Variants in CPS1 observed in about 807,000 individuals in gnomAD.
CPS1 encodes carbamoyl-phosphate synthase 1.
CPS1 carries 109 observed loss-of-function variants against 174.6 expected under a neutral mutation model. The observed-to-expected ratio is 0.62, with a 90% CI of 0.53 to 0.73. CPS1 has a LOEUF of 0.73. Among genes scored for constraint, CPS1 ranks in the 30% least tolerant of loss-of-function variants. The pLI, the probability that CPS1 is intolerant of heterozygous loss-of-function variation, is 0.00. For missense variants in CPS1, 1,689 were observed against 1,821.9 expected, an observed-to-expected ratio of 0.93 and a Z score of 1.33; for synonymous variants, 637 against 632.0, an observed-to-expected ratio of 1.01 and a Z score of -0.12.
chr2:210,554,834 ACT>A (rs1491134758), upstream of CPS1, among the ~76,000 whole-genome samples: 5 of 58,488 alleles, frequency 8.5e-5, no homozygotes, highest in Non-Finnish European at 1.8e-4. Context: ...GACAACCCTC[ACT>A]ACACACACAC....
intron 7 of CPS1, among the ~76,000 whole-genome samples, 167 bp downstream of exon 7, chr2:210,588,314 A>G (rs1212102988): frequency 1.3e-5 from 2 of 151,980 alleles, no homozygotes; most frequent in Admixed American, 6.6e-5. Context: ...CCCTGTTCAA[A>G]TTAAAAATAT....
At position 210,595,379 on chromosome 2, in the gene CPS1, G is replaced by T. The variant is rs1698450208; in HGVS notation, c.1264-108G>T. 2.7e-5 allele frequency: 22 copies of T among 806,130 alleles called. No individual in the cohort carries two copies. In the South Asian group the frequency reaches 3.0e-4, roughly 11 times the overall value. The allele number at this position is 806,130 out of a possible 1,614,324, so 49.9% of individuals were successfully genotyped here. On this transcript the variant is annotated intron_variant, in intron 12 of 37. Transcript: ENST00000233072. ...ATATTTTTCATTACATTAGACCTTA[G>T]ATGACCACATAAACTCAGACAATGT...
chr2:210,494,191 A>G (rs1694935888), intron 1 of CPS1, among the ~76,000 whole-genome samples: 1 of 152,256 alleles, frequency 6.6e-6, no homozygotes, highest in Non-Finnish European at 1.5e-5. Context: ...TTCATAAGAA[A>G]AAAATGGGTT....
At chr2:210,477,849 G>T in intron 1 of CPS1, 1 of 1,458,494 alleles carries the variant, frequency 6.9e-7, no homozygotes, top group South Asian at 1.2e-5. Flanking sequence ...AGGAAAACGA[G>T]AGACATTTTA....
intron 1 of CPS1, among the ~76,000 whole-genome samples, chr2:210,510,811 C>G (rs370999711): frequency 6.6e-6 from 1 of 152,292 alleles, no homozygotes; most frequent in East Asian, 1.9e-4. Context: ...CAGAGAAATG[C>G]AAATCAAAAC....
intron 1 of CPS1, among the ~76,000 whole-genome samples, chr2:210,544,019 C>A (rs142849019): frequency 6.6e-6 from 1 of 152,128 alleles, no homozygotes; most frequent in African/African-American, 2.4e-5. Flanking sequence ...GATGGATATT[C>A]TCTCATTAAC....
chr2:210,619,751 C>T (rs904757491), intron 21 of CPS1: 1 of 152,044 alleles, frequency 6.6e-6, no homozygotes, highest in Non-Finnish European at 1.5e-5. Context: ...TAATCAATCT[C>T]GAGTTCTAAA....
chr2:210,679,096 A>T lies in CPS1; in HGVS notation c.*1111A>T, dbSNP rs1687850587. 1 of 152,250 alleles carries T rather than the reference A, an allele frequency of 6.6e-6. No homozygotes were observed. The highest frequency in any genetic ancestry group is 1.5e-5 in the Non-Finnish European group (1 of 68,042). 9.4% of individuals were successfully genotyped at this position (152,250 alleles called of 1,614,324 possible). A position where few individuals can be genotyped will look rare whatever the true frequency, so the allele number is the denominator to read the frequency against. On this transcript the variant is annotated 3_prime_UTR_variant, in exon 38 of 38. Coordinates refer to ENST00000233072, the MANE Select transcript of CPS1 (RefSeq NM_001875.5). ...ATTGTGAACTTTTAAATAAAATACT[A>T]TTAAGAGGTAATGCAGTTGAATCTG...
chr2:210,647,823 A>G, intron 25 of CPS1, 40 bp from the exon 26 acceptor site: 1 of 1,599,676 alleles, frequency 6.3e-7, no homozygotes, highest in Non-Finnish European at 8.6e-7. Flanking sequence ...ATTCATAATG[A>G]AGTTATTCCA....
chr2:210,657,691 G>A (rs1317773723), intron 30 of CPS1: 3 of 152,220 alleles, frequency 2.0e-5, no homozygotes, highest in African/African-American at 7.2e-5. Flanking sequence ...GCTCTTTTTA[G>A]TGAGCTTTTC....
chr2:210,482,235 C>A (rs1030717476), intron 1 of CPS1, among the ~76,000 whole-genome samples: 54 of 152,064 alleles, frequency 3.6e-4, no homozygotes, highest in Admixed American at 1.4e-3. Context: ...ATTCCCAGAC[C>A]TCAGGAGGTT....
intron 1 of CPS1, among the ~76,000 whole-genome samples, chr2:210,531,779 G>A (rs1696120940): frequency 6.6e-6 from 1 of 152,126 alleles, no homozygotes; most frequent in African/African-American, 2.4e-5. Context: ...TCTCCTGGAT[G>A]TTAAAGTTTA....
At chr2:210,653,255 G>A (rs1352685436) in intron 28 of CPS1, among the ~76,000 whole-genome samples, 5 of 152,126 alleles carry the variant, frequency 3.3e-5, no homozygotes, top group African/African-American at 1.2e-4. Flanking sequence ...GTACAGAGGA[G>A]AAGATATCTA....
At chr2:210,647,733 T>G in intron 25 of CPS1, 130 bp from the exon 26 acceptor site, 1 of 1,174,916 alleles carries the variant, frequency 8.5e-7, no homozygotes, top group Non-Finnish European at 1.3e-6. Context: ...ACAGTATTCA[T>G]TGGTAGGAGA....
At chr2:210,492,653 T>G (rs1694901649) in intron 1 of CPS1, among the ~76,000 whole-genome samples, 1 of 151,902 alleles carries the variant, frequency 6.6e-6, no homozygotes, top group African/African-American at 2.4e-5. Flanking sequence ...GTAGTAAGAG[T>G]GCACAAAAAT....
At chr2:210,658,212 C>A in intron 30 of CPS1, 1 of 285,332 alleles carries the variant, frequency 3.5e-6, no homozygotes, top group Non-Finnish European at 6.8e-6. Context: ...AATTTCAGGG[C>A]CTGTACCTCC....
rs186054862 is a variant in CPS1 at position 210,654,138 on chromosome 2, T to G, written c.3558+36T>G. On this transcript the variant is annotated intron_variant, in intron 29 of 37. Transcript: ENST00000233072. ...TATTCTCATCTCCTTCATTCCTGCC[T>G]TCTCATCATTTTTTTCTTTAACAAT... 2,895 of 1,564,398 alleles carry G rather than the reference T, an allele frequency of 1.9e-3. 1 individual carries two copies. Among genetic ancestry groups the G allele is most frequent in the Non-Finnish European group, 2.3e-3 (2,640 of 1,134,874 alleles).
intron 14 of CPS1, among the ~76,000 whole-genome samples, 157 bp downstream of exon 14, chr2:210,599,718 A>G (rs1359765843): frequency 6.6e-6 from 1 of 152,092 alleles, no homozygotes; most frequent in East Asian, 1.9e-4. Flanking sequence ...TAATATAGTC[A>G]TATGATGAAT....
At chr2:210,490,264 A>G (rs1574462885) in intron 1 of CPS1, among the ~76,000 whole-genome samples, 1 of 152,192 alleles carries the variant, frequency 6.6e-6, no homozygotes, top group Non-Finnish European at 1.5e-5. Flanking sequence ...ATATATGCTT[A>G]TAGGCTTACC....
Sources: allele counts gnomAD v4.1 joint callset (sites outside exome capture counted in the v4.1 genomes callset), GRCh38; gene constraint gnomAD v4.1.1; transcripts MANE v1.5; gene names NCBI Gene and HGNC (gene_info 2026-07-23, HGNC 2026-07-21).